CAMTA1: variants seen among roughly 807,000 people sequenced by gnomAD.
CAMTA1 encodes calmodulin binding transcription activator 1.
In CAMTA1, 27 loss-of-function variants were observed where a neutral mutation model predicts 170.9. The ratio of observed to expected loss-of-function variants is 0.16; its 90% confidence interval spans 0.12 to 0.22. The LOEUF (loss-of-function observed/expected upper bound fraction) is 0.22, where lower values mean the gene tolerates loss of function less well. Among genes scored for constraint, CAMTA1 ranks in the 10% least tolerant of loss-of-function variants. CAMTA1 has a pLI of 1.00. For missense variants in CAMTA1, 1,619 were observed against 2,217.2 expected, an observed-to-expected ratio of 0.73 and a Z score of 5.42; for synonymous variants, 833 against 891.5, an observed-to-expected ratio of 0.93 and a Z score of 1.17.
chr1:6,868,768 CT>C (rs902553842), intron 3 of CAMTA1, among the ~76,000 whole-genome samples: 1 of 152,164 alleles, frequency 6.6e-6, no homozygotes, highest in African/African-American at 2.4e-5. Context: ...GAAGAATATT[CT>C]TTGCTGTAAC....
At chr1:7,656,587 C>T (rs2095905119) in intron 7 of CAMTA1, among the ~76,000 whole-genome samples, 1 of 152,208 alleles carries the variant, frequency 6.6e-6, no homozygotes, top group African/African-American at 2.4e-5. Context: ...ACGGCCCTAC[C>T]GTGGCTCAGG....
At chr1:7,576,146 T>G (rs890151068) in intron 6 of CAMTA1, among the ~76,000 whole-genome samples, 2 of 151,884 alleles carry the variant, frequency 1.3e-5, no homozygotes, top group African/African-American at 4.8e-5. Flanking sequence ...GTAGCTGGGA[T>G]TACAGGTGCC....
chr1:7,370,914 C>CTTTTTTTTTTTTTT lies in CAMTA1; in HGVS notation c.439-96914_439-96901dup, dbSNP rs61387662. Among the ~76,000 whole-genome samples the CTTTTTTTTTTTTTT allele has an allele frequency of 6.8e-4, 75 of 109,976 alleles. 1 individual carries two copies. Among genetic ancestry groups the CTTTTTTTTTTTTTT allele is most frequent in the East Asian group, 1.1e-3 (4 of 3,578 alleles). 72.1% of individuals were successfully genotyped at this position (109,976 alleles called of 152,430 possible). A position where few individuals can be genotyped will look rare whatever the true frequency, so the allele number is the denominator to read the frequency against. On this transcript the variant is annotated intron_variant, in intron 5 of 22. Coordinates refer to ENST00000303635, the MANE Select transcript of CAMTA1 (RefSeq NM_015215.4). ...TATGGCACTTTCTTTTTCTTTCTTT[C>CTTTTTTTTTTTTTT]TTTTTTTTTTTTTTTGAGACGGAGT...
At chr1:7,042,138 C>A (rs1293747470) in intron 3 of CAMTA1, among the ~76,000 whole-genome samples, 1 of 152,202 alleles carries the variant, frequency 6.6e-6, no homozygotes, top group Non-Finnish European at 1.5e-5. Flanking sequence ...AATTCCCCTC[C>A]TCCAGCCTCT....
At position 7,273,405 on chromosome 1, in the gene CAMTA1, G is replaced by C. The variant is rs749130521; in HGVS notation, c.438+23779G>C. Among the ~76,000 whole-genome samples the C allele has an allele frequency of 1.2e-4, 18 of 152,280 alleles. No homozygotes were observed. The South Asian group carries it at 3.7e-3, about 32-fold the overall frequency. Reference sequence around the variant, plus strand: ...TTACTTGGCAATAAAAAGGAATGAGGCACTGATAACATGCCACAACGTGGA... The same window carrying C: ...TTACTTGGCAATAAAAAGGAATGAGCCACTGATAACATGCCACAACGTGGA... On this transcript the variant is annotated intron_variant, in intron 5 of 22. Transcript: ENST00000303635.
chr1:7,671,370 G>A lies in CAMTA1; in HGVS notation c.2779+333G>A, dbSNP rs144256900. Among the ~76,000 whole-genome samples, 7 of 152,310 alleles carry A rather than the reference G, an allele frequency of 4.6e-5. No individual in the cohort carries two copies. In the East Asian group the frequency reaches 1.4e-3, roughly 29 times the overall value. On this transcript the variant is annotated intron_variant, in intron 10 of 22. Transcript: ENST00000303635. Reference sequence around the variant, plus strand: ...GCGGCCACCACCCTCAGCCCAAAGGGTGACTAGAGCTGGTAAGAGCTGGGG... The same window carrying A: ...GCGGCCACCACCCTCAGCCCAAAGGATGACTAGAGCTGGTAAGAGCTGGGG...
intron 3 of CAMTA1, among the ~76,000 whole-genome samples, chr1:6,968,881 C>T (rs746482003): frequency 9.9e-5 from 15 of 152,050 alleles, no homozygotes; most frequent in Non-Finnish European, 1.3e-4. Context: ...AGCTGCAAGT[C>T]GCCAGTGTGG....
intron 6 of CAMTA1, among the ~76,000 whole-genome samples, chr1:7,590,830 A>T (rs550516012): frequency 6.6e-6 from 1 of 152,340 alleles, no homozygotes; most frequent in East Asian, 1.9e-4. Context: ...CCCAGAGCTG[A>T]CGGCAGGGCT....
At chr1:7,743,626 C>G (rs2096834016) in intron 16 of CAMTA1, among the ~76,000 whole-genome samples, 1 of 152,072 alleles carries the variant, frequency 6.6e-6, no homozygotes, top group Non-Finnish European at 1.5e-5. Context: ...GAGGCTCCTT[C>G]GTGTTGGCAG....
rs1666223149 is a variant in CAMTA1 at position 7,248,849 on chromosome 1, C to A, written c.303-642C>A. On this transcript the variant is annotated intron_variant, in intron 4 of 22. Coordinates refer to ENST00000303635, the MANE Select transcript of CAMTA1 (RefSeq NM_015215.4). The surrounding 1 kb of genome is among the most constrained non-coding windows in gnomAD (Gnocchi z 4.0). ...CTCTGGCTGTGGACTGAATAGATGA[C>A]TTTACCTGGCAGTATCTGAGACCCC... Among the ~76,000 whole-genome samples the A allele has an allele frequency of 6.6e-6, 1 of 152,162 alleles. No individual in the cohort carries two copies. The highest frequency in any genetic ancestry group is 6.5e-5 in the Admixed American group (1 of 15,284).
chr1:7,379,520 C>T (rs913850172), intron 5 of CAMTA1, among the ~76,000 whole-genome samples: 15 of 152,228 alleles, frequency 9.9e-5, no homozygotes, highest in Non-Finnish European at 1.9e-4. Context: ...AAAACACCAG[C>T]GTCTCGTATT....
At chr1:7,344,244 G>A (rs1158289542) in intron 5 of CAMTA1, among the ~76,000 whole-genome samples, 1 of 152,218 alleles carries the variant, frequency 6.6e-6, no homozygotes, top group African/African-American at 2.4e-5. Flanking sequence ...CTTTGCATGT[G>A]GTCTTTTCAC....
chr1:7,763,827 G>A (rs141877560), intron 22 of CAMTA1, among the ~76,000 whole-genome samples: 2 of 152,292 alleles, frequency 1.3e-5, no homozygotes, highest in African/African-American at 4.8e-5. Flanking sequence ...ATCAGATTTT[G>A]AGTTCAGAAT....
chr1:6,876,855 T>C (rs556830954), intron 3 of CAMTA1, among the ~76,000 whole-genome samples: 1 of 152,300 alleles, frequency 6.6e-6, no homozygotes, highest in South Asian at 2.1e-4. Flanking sequence ...AATCACTGAA[T>C]AGTACAGAAT....
intron 3 of CAMTA1, among the ~76,000 whole-genome samples, chr1:6,858,470 GTGT>G (rs760643963): frequency 1.7e-5 from 1 of 57,528 alleles, no homozygotes; most frequent in Non-Finnish European, 3.7e-5. Context: ...GGTGGTGGTG[GTGT>G]GTGTGTGTGT....
chr1:6,976,976 C>T (rs1572164781), intron 3 of CAMTA1, among the ~76,000 whole-genome samples: 1 of 152,182 alleles, frequency 6.6e-6, no homozygotes, highest in Non-Finnish European at 1.5e-5. Context: ...CCATGTAAGA[C>T]ATGCCTTCTC....
rs1232888167 is a variant in CAMTA1 at position 7,300,426 on chromosome 1, C to G, written c.438+50800C>G. Among the ~76,000 whole-genome samples, 1 of 152,186 alleles carries G rather than the reference C, an allele frequency of 6.6e-6. No individual in the cohort carries two copies. Among genetic ancestry groups the G allele is most frequent in the African/African-American group, 2.4e-5 (1 of 41,440 alleles). On this transcript the variant is annotated intron_variant, in intron 5 of 22. Coordinates refer to ENST00000303635, the MANE Select transcript of CAMTA1 (RefSeq NM_015215.4). The surrounding 1 kb of genome is among the most constrained non-coding windows in gnomAD (Gnocchi z 4.1). ...GCGCAGTGGCTCACGCCTGTAATCC[C>G]CATACTTTGGGAGGCCAAGGCAGGC... is the stretch of plus-strand genomic sequence containing the variant.
chr1:7,768,717 T>C lies in CAMTA1; in HGVS notation c.*2226T>C, dbSNP rs1157469149. 1 of 152,700 alleles carries C rather than the reference T, an allele frequency of 6.5e-6. No individual in the cohort carries two copies. Among genetic ancestry groups the C allele is most frequent in the African/African-American group, 2.4e-5 (1 of 41,404 alleles). The allele number at this position is 152,700 out of a possible 1,614,324, so 9.5% of individuals were successfully genotyped here. On this transcript the variant is annotated 3_prime_UTR_variant, in exon 23 of 23. Transcript: ENST00000303635. ...CCACAACTAGTAGCCACCTGTACAT[T>C]TGTAAACTGACCTGACTCCATTTTG...
At chr1:7,581,883 C>G (rs1208448415) in intron 6 of CAMTA1, among the ~76,000 whole-genome samples, 2 of 152,182 alleles carry the variant, frequency 1.3e-5, no homozygotes, top group African/African-American at 4.8e-5. Flanking sequence ...CATCAGTCAC[C>G]AGAGGGCAGG....
Sources: allele counts gnomAD v4.1 joint callset (sites outside exome capture counted in the v4.1 genomes callset), GRCh38; gene constraint gnomAD v4.1.1; non-coding constraint Gnocchi (gnomAD v3.1); transcripts MANE v1.5; gene names NCBI Gene and HGNC (gene_info 2026-07-23, HGNC 2026-07-21).